Variants in IQCM observed in about 807,000 individuals in gnomAD.
IQCM encodes IQ domain-containing protein M.
In IQCM, 45 loss-of-function variants were observed where a neutral mutation model predicts 57.6. That is an observed-to-expected ratio of 0.78 (90% CI 0.62 to 1.00). The LOEUF (loss-of-function observed/expected upper bound fraction) is 1.00, where lower values mean the gene tolerates loss of function less well. Among genes scored for constraint, IQCM ranks in the 50% least tolerant of loss-of-function variants. The pLI, the probability that IQCM is intolerant of heterozygous loss-of-function variation, is 0.00. For synonymous variants in IQCM, 148 were observed against 158.9 expected (o/e 0.93, Z 0.51); for missense variants, 468 against 511.6 (o/e 0.91, Z 0.82).
At chr4:149,767,702 T>C (rs1344153034) in intron 2 of IQCM, among the ~76,000 whole-genome samples, 1 of 152,090 alleles carries the variant, frequency 6.6e-6, no homozygotes, top group Admixed American at 6.6e-5. Flanking sequence ...GTATGGTAAC[T>C]GCACTTTTTC....
intron 10 of IQCM, among the ~76,000 whole-genome samples, chr4:149,557,979 C>T (rs1269915102): frequency 1.3e-5 from 2 of 152,178 alleles, no homozygotes; most frequent in Admixed American, 1.3e-4. Context: ...CTTACTGTTA[C>T]TAAAGCCAGA....
At chr4:149,644,566 A>G (rs145812059) in intron 7 of IQCM, among the ~76,000 whole-genome samples, 23 of 152,308 alleles carry the variant, frequency 1.5e-4, no homozygotes, top group Non-Finnish European at 2.9e-4. Context: ...CGCAATTTAT[A>G]TATCTATTGA....
chr4:149,658,484 G>C (rs183093385), intron 7 of IQCM, among the ~76,000 whole-genome samples: 6 of 151,662 alleles, frequency 4.0e-5, no homozygotes, highest in Non-Finnish European at 7.4e-5. Flanking sequence ...TTGGCTTTTG[G>C]GGTCTCTCGT....
Position 149,369,559 on chromosome 4 carries a change from A to G in IQCM, c.1391-17493T>C, listed in dbSNP as rs77291137. 3.3e-3 allele frequency among the ~76,000 whole-genome samples: 503 copies of G among 152,328 alleles called. 9 individuals are homozygous for G. In the East Asian group the frequency reaches 0.034, roughly 10 times the overall value. ...GTCATAAAAGTGGTATAGCATTACT[A>G]TGATGATCTACCAGAAAATTCACAA... On this transcript the variant is annotated intron_variant, in intron 13 of 13. Transcript: ENST00000636793.
chr4:149,694,208 G>A (rs1238949719), intron 5 of IQCM, among the ~76,000 whole-genome samples: 1 of 150,222 alleles, frequency 6.7e-6, no homozygotes, highest in East Asian at 2.0e-4. Context: ...CCAGTGCCAT[G>A]GATTAATTTC....
intron 7 of IQCM, among the ~76,000 whole-genome samples, chr4:149,643,358 A>C (rs763147597): frequency 6.6e-6 from 1 of 152,188 alleles, no homozygotes; most frequent in Non-Finnish European, 1.5e-5. Context: ...AAATTTTAAA[A>C]ATTCACTATC....
At chr4:149,527,048 ACT>A (rs1347307960) in intron 12 of IQCM, among the ~76,000 whole-genome samples, 1 of 152,062 alleles carries the variant, frequency 6.6e-6, no homozygotes, top group East Asian at 1.9e-4. Flanking sequence ...TTCCTATCTG[ACT>A]CCTGGAATTA....
intron 2 of IQCM, chr4:149,790,099 A>G (rs551443592): frequency 3.0e-6 from 2 of 669,100 alleles, no homozygotes; most frequent in East Asian, 3.3e-5. Context: ...CCTCACCATT[A>G]AAAAAAGAAC....
At chr4:149,593,015 G>T (rs537814185) in intron 8 of IQCM, among the ~76,000 whole-genome samples, 1 of 152,122 alleles carries the variant, frequency 6.6e-6, no homozygotes, top group Non-Finnish European at 1.5e-5. Flanking sequence ...TAGCTTGATG[G>T]GGATGGCATT....
chr4:149,379,184 T>C (rs543870109), intron 13 of IQCM, among the ~76,000 whole-genome samples: 2 of 152,190 alleles, frequency 1.3e-5, no homozygotes, highest in African/African-American at 2.4e-5. Context: ...CAGACACTGA[T>C]GGAGAACCTC....
chr4:149,493,480 C>T (rs1394812830), intron 12 of IQCM, among the ~76,000 whole-genome samples: 1 of 151,992 alleles, frequency 6.6e-6, no homozygotes, highest in Non-Finnish European at 1.5e-5. Context: ...ATTAGTTCAT[C>T]CAAGCAGGTA....
At chr4:149,403,516 C>A (rs1269543166) in intron 13 of IQCM, among the ~76,000 whole-genome samples, 2 of 151,886 alleles carry the variant, frequency 1.3e-5, no homozygotes, top group South Asian at 2.1e-4. Flanking sequence ...TGGGCCTGAA[C>A]TGGCAGACTA....
At chr4:149,644,096 C>A (rs1193518000) in intron 7 of IQCM, among the ~76,000 whole-genome samples, 1 of 152,132 alleles carries the variant, frequency 6.6e-6, no homozygotes, top group Non-Finnish European at 1.5e-5. Flanking sequence ...CAGTTGGTCA[C>A]CCTAAAATTT....
chr4:149,387,683 T>C lies in IQCM; in HGVS notation c.1391-35617A>G, dbSNP rs569520211. ...TGCAGGGCCTATTTCTTTTTCTTTA[T>C]AGCTTTATTTCATGAACCATAAATT... On this transcript the variant is annotated intron_variant, in intron 13 of 13. Transcript: ENST00000636793. Among the ~76,000 whole-genome samples the C allele has an allele frequency of 2.0e-5, 3 of 152,202 alleles. No homozygotes were observed. The South Asian group carries it at 6.2e-4, about 32-fold the overall frequency.
chr4:149,434,347 G>A (rs923226049), intron 12 of IQCM, among the ~76,000 whole-genome samples: 12 of 152,068 alleles, frequency 7.9e-5, no homozygotes, highest in Non-Finnish European at 1.5e-4. Context: ...ATTGCACAGC[G>A]AAAAATCTCT....
chr4:149,507,710 C>T (rs1053026366), intron 12 of IQCM, among the ~76,000 whole-genome samples: 4 of 151,860 alleles, frequency 2.6e-5, no homozygotes, highest in Non-Finnish European at 5.9e-5. Context: ...TGCAGCATGA[C>T]AATGCAATAG....
At chr4:149,606,322 C>T (rs1456479000) in intron 8 of IQCM, among the ~76,000 whole-genome samples, 1 of 152,122 alleles carries the variant, frequency 6.6e-6, no homozygotes, top group Non-Finnish European at 1.5e-5. Context: ...TGCAATATTC[C>T]TGGGTTTACC....
At chr4:149,568,396 C>T (rs1383724954) in intron 9 of IQCM, among the ~76,000 whole-genome samples, 1 of 152,130 alleles carries the variant, frequency 6.6e-6, no homozygotes, top group Non-Finnish European at 1.5e-5. Context: ...TAATTCAATA[C>T]TGTATTCAGG....
At chr4:149,422,698 A>C (rs2111224212) in intron 13 of IQCM, among the ~76,000 whole-genome samples, 1 of 152,112 alleles carries the variant, frequency 6.6e-6, no homozygotes, top group African/African-American at 2.4e-5. Context: ...GTTAAAATTA[A>C]GGACATGATC....
Sources: gnomAD v4.1 joint callset for allele counts (sites outside exome capture counted in the v4.1 genomes callset) on GRCh38, gnomAD v4.1.1 for gene constraint, MANE v1.5 for transcripts, NCBI Gene and HGNC (gene_info 2026-07-23, HGNC 2026-07-21) for gene names.